TENM1: variants seen among roughly 807,000 people sequenced by gnomAD.
TENM1 encodes the protein teneurin transmembrane protein 1.
In TENM1, 35 loss-of-function variants were observed where a neutral mutation model predicts 174.8. The ratio of observed to expected loss-of-function variants is 0.20; its 90% CI spans 0.15 to 0.27. The LOEUF (loss-of-function observed/expected upper bound fraction) is 0.27. Ranked by LOEUF, TENM1 falls within the 10% of genes least tolerant of loss-of-function variation. TENM1 has a pLI of 1.00. For missense variants in TENM1, 1,633 were observed against 2,130.1 expected (o/e 0.77, Z 4.59); for synonymous variants, 781 against 798.7 (o/e 0.98, Z 0.37).
At chrX:125,105,505 A>G in the TENM1 span, among the ~76,000 whole-genome samples, 29,580 of 110,454 alleles carry the variant, frequency 0.27, 3,253 homozygotes, top group African/African-American at 0.41. Flanking sequence ...ACACTTTCAT[A>G]CATCTGCCTG....
At chrX:125,055,568 T>C in the TENM1 span, among the ~76,000 whole-genome samples, 1 of 111,555 alleles carries the variant, frequency 9.0e-6, no homozygotes, top group Non-Finnish European at 1.9e-5. Context: ...AATACACTTT[T>C]TGAATGAAAG....
chrX:124,692,485 T>A (rs1172494714), intron 5 of TENM1, among the ~76,000 whole-genome samples: 1 of 110,317 alleles, frequency 9.1e-6, no homozygotes, highest in East Asian at 2.8e-4. Context: ...AAAGGATCTA[T>A]CTTACTGATT....
the TENM1 span, among the ~76,000 whole-genome samples, chrX:124,977,967 TGAGAGAGAGA>T: frequency 7.1e-3 from 236 of 33,064 alleles, no homozygotes; most frequent in African/African-American, 0.022. Flanking sequence ...TGTGTGTGTG[TGAGAGAGAGA>T]GAGAGAGAGA....
chrX:124,896,471 G>A (rs1295440726), intron 1 of TENM1, among the ~76,000 whole-genome samples: 1 of 111,076 alleles, frequency 9.0e-6, no homozygotes, highest in Non-Finnish European at 1.9e-5. Context: ...GAAAAAGCGC[G>A]CCCAAAATAG....
chrX:125,073,276 G>T, the TENM1 span, among the ~76,000 whole-genome samples: 1 of 110,814 alleles, frequency 9.0e-6, no homozygotes, highest in African/African-American at 3.3e-5. Flanking sequence ...GGTCTTTGGG[G>T]ACGCGGGATA....
intron 3 of TENM1, among the ~76,000 whole-genome samples, chrX:124,882,483 T>C (rs1034566980): frequency 8.9e-6 from 1 of 112,011 alleles, no homozygotes; most frequent in Non-Finnish European, 1.9e-5. Context: ...ATATGTAGTC[T>C]ATCAACTATT....
At chrX:125,094,569 G>A in the TENM1 span, among the ~76,000 whole-genome samples, 1 of 112,048 alleles carries the variant, frequency 8.9e-6, no homozygotes, top group Non-Finnish European at 1.9e-5. Flanking sequence ...CTGACTGACT[G>A]TCTGGACCAC....
intron 3 of TENM1, among the ~76,000 whole-genome samples, chrX:124,744,504 T>C (rs1252058652): frequency 1.8e-5 from 2 of 112,201 alleles, no homozygotes; most frequent in African/African-American, 3.2e-5. Context: ...GAAACTGTTA[T>C]CTGTTATGTA....
intron 4 of TENM1, among the ~76,000 whole-genome samples, chrX:124,735,557 T>C (rs2053651236): frequency 8.9e-6 from 1 of 111,776 alleles, no homozygotes; most frequent in South Asian, 3.7e-4. Flanking sequence ...TAATAGAACT[T>C]CCATTTGATT....
At chrX:125,160,267 T>C in the TENM1 span, among the ~76,000 whole-genome samples, 1 of 105,473 alleles carries the variant, frequency 9.5e-6, no homozygotes, top group East Asian at 3.0e-4. Context: ...CTCATGCCTG[T>C]AATCCCAGTA....
At chrX:124,388,591 T>C (rs1408338751) in intron 28 of TENM1, among the ~76,000 whole-genome samples, 1 of 112,709 alleles carries the variant, frequency 8.9e-6, no homozygotes, top group Non-Finnish European at 1.9e-5. Flanking sequence ...CCATTTCTTA[T>C]TAGTCCAAAT....
At chrX:124,454,691 C>T (rs746418781) in intron 22 of TENM1, among the ~76,000 whole-genome samples, 2 of 111,707 alleles carry the variant, frequency 1.8e-5, no homozygotes, top group African/African-American at 6.5e-5. Flanking sequence ...CGTGAGATAT[C>T]GGGCCTGGCC....
intron 6 of TENM1, 107 bp from the exon 10 acceptor site, chrX:124,653,890 T>C: frequency 1.5e-6 from 1 of 685,281 alleles, no homozygotes; most frequent in Non-Finnish European, 2.2e-6. Context: ...TACTCAGCTT[T>C]TTCTTCCTCC....
At chrX:124,563,415 TA>T (rs1177891827) in intron 13 of TENM1, among the ~76,000 whole-genome samples, 1 of 108,482 alleles carries the variant, frequency 9.2e-6, no homozygotes, top group Non-Finnish European at 1.9e-5. Context: ...ATTAAATTAT[TA>T]AAAATTATTT....
At chrX:124,618,655 T>C (rs1248384819) in intron 11 of TENM1, among the ~76,000 whole-genome samples, 1 of 112,296 alleles carries the variant, frequency 8.9e-6, no homozygotes, top group East Asian at 2.8e-4. Context: ...TTTCTAGATC[T>C]GGCCACTCTT....
At chrX:125,068,690 GAGA>G in the TENM1 span, among the ~76,000 whole-genome samples, 4 of 111,538 alleles carry the variant, frequency 3.6e-5, no homozygotes, top group Non-Finnish European at 7.5e-5. Flanking sequence ...TGTTTTCAGA[GAGA>G]AGAAGGTAGG....
chrX:124,801,734 T>A (rs1338071155), intron 3 of TENM1, among the ~76,000 whole-genome samples: 1 of 111,809 alleles, frequency 8.9e-6, no homozygotes, highest in Admixed American at 9.5e-5. Context: ...CAGTTTTTCC[T>A]TTTCATATTT....
chrX:125,191,983 A>G, the TENM1 span, among the ~76,000 whole-genome samples: 4 of 108,984 alleles, frequency 3.7e-5, no homozygotes, highest in African/African-American at 1.3e-4. Context: ...CCATGTAAGG[A>G]CACAGGGTAC....
At position 124,422,224 on chromosome X, in the gene TENM1, T is replaced by G. The variant is rs775776695; in HGVS notation, c.4471+48A>C. 3 of 1,161,890 alleles carry G rather than the reference T, an allele frequency of 2.6e-6. No individual in the cohort carries two copies. In the African/African-American group the frequency reaches 5.4e-5, roughly 21 times the overall value. On this transcript the variant is annotated intron_variant, in intron 24 of 31. Transcript: ENST00000422452. ...TTGACTTTACTGGGGCACGTTTTTC[T>G]TTTCAAAACAGAGAGGGGAAGCTGG... is the stretch of plus-strand genomic sequence containing the variant.
Sources: gnomAD v4.1 joint callset for allele counts (sites outside exome capture counted in the v4.1 genomes callset) on GRCh38, gnomAD v4.1.1 for gene constraint, MANE v1.5 for transcripts, NCBI Gene and HGNC (gene_info 2026-07-23, HGNC 2026-07-21) for gene names.